SCARA3: variants seen among roughly 807,000 people sequenced by gnomAD.
SCARA3 encodes cellular stress response gene protein.
A neutral mutation model predicts 47.0 loss-of-function variants in SCARA3; 39 were observed. The ratio of observed to expected loss-of-function variants is 0.83; its 90% CI spans 0.64 to 1.08. SCARA3 has a LOEUF of 1.08. SCARA3 is among the 50% of genes least tolerant of loss of function. The pLI is 0.00. For synonymous variants in SCARA3, 356 were observed against 334.1 expected, an observed-to-expected ratio of 1.07 and a Z score of -0.71; for missense variants, 724 against 792.3, an observed-to-expected ratio of 0.91 and a Z score of 1.04.
At chr8:27,719,977 C>T in the SCARA3 span, among the ~76,000 whole-genome samples, 1 of 152,086 alleles carries the variant, frequency 6.6e-6, no homozygotes, top group Non-Finnish European at 1.5e-5. Flanking sequence ...AGAAAAAGCC[C>T]ATGACTCACC....
chr8:27,636,446 G>T (rs1434916714), intron 1 of SCARA3, among the ~76,000 whole-genome samples: 1 of 152,098 alleles, frequency 6.6e-6, no homozygotes, highest in Non-Finnish European at 1.5e-5. Flanking sequence ...TAAAAAAATA[G>T]AATTTATTTA....
downstream of SCARA3, among the ~76,000 whole-genome samples, chr8:27,673,926 C>G (rs1487752613): frequency 6.6e-6 from 1 of 152,136 alleles, no homozygotes; most frequent in Non-Finnish European, 1.5e-5. Context: ...TCTCATGGGA[C>G]AAACCAAGGA....
the SCARA3 span, among the ~76,000 whole-genome samples, chr8:27,718,137 G>A: frequency 6.6e-6 from 1 of 152,206 alleles, no homozygotes; most frequent in Non-Finnish European, 1.5e-5. Context: ...ACAACCTGGT[G>A]AGTTCTGAGC....
chr8:27,724,404 C>T, the SCARA3 span, among the ~76,000 whole-genome samples: 7 of 152,180 alleles, frequency 4.6e-5, no homozygotes, highest in Non-Finnish European at 8.8e-5. Flanking sequence ...TGGCTCAAGC[C>T]TGTAATCCCA....
At chr8:27,633,482 G>A (rs1283326910), upstream of SCARA3, among the ~76,000 whole-genome samples, 1 of 133,584 alleles carries the variant, frequency 7.5e-6, no homozygotes, top group Non-Finnish European at 1.7e-5. Flanking sequence ...CCAGGCCCTC[G>A]ACATCATAAG....
intron 5 of SCARA3, among the ~76,000 whole-genome samples, chr8:27,662,179 A>T (rs899238807): frequency 2.0e-5 from 3 of 152,238 alleles, no homozygotes; most frequent in African/African-American, 7.2e-5. Flanking sequence ...GGTCACCAGT[A>T]TAAGAATAAA....
chr8:27,679,063 GT>G (rs1156763043), downstream of SCARA3, among the ~76,000 whole-genome samples: 1 of 152,024 alleles, frequency 6.6e-6, no homozygotes, highest in Admixed American at 6.6e-5. Context: ...TAATTACATT[GT>G]TTTTGAGTTT....
the SCARA3 span, among the ~76,000 whole-genome samples, chr8:27,707,740 A>G: frequency 1.3e-5 from 2 of 151,714 alleles, no homozygotes; most frequent in African/African-American, 4.8e-5. Flanking sequence ...TGCCACAAAA[A>G]ATTTTAAAAG....
the SCARA3 span, among the ~76,000 whole-genome samples, chr8:27,718,372 T>C: frequency 6.6e-6 from 1 of 152,266 alleles, no homozygotes; most frequent in African/African-American, 2.4e-5. Flanking sequence ...AACATTTGCC[T>C]AATTTATTTG....
chr8:27,674,576 G>C (rs193267162), downstream of SCARA3, among the ~76,000 whole-genome samples: 2 of 152,132 alleles, frequency 1.3e-5, no homozygotes, highest in African/African-American at 4.8e-5. Context: ...GGGCCAAGGC[G>C]ATGAAGTCTG....
At position 27,670,982 on chromosome 8, in the gene SCARA3, A is replaced by T. The variant is rs755416664; in HGVS notation, c.1452A>T (p.Gly484=). The change falls in exon 6 of 6, where the codon GGA becomes GGT. Residue 484 remains glycine (G), a synonymous_variant. Transcript: ENST00000301904. The stretch of plus-strand genomic sequence containing the variant: ...CTGTTGGCGGCAGAGGCCCGAAAGG[A>T]GACCCCGGCAGCTTGGGCCCCCTGG... The part of the protein sequence containing the change: ...KGPVGGRGPK[G]DPGSLGPLGP... The T allele has an allele frequency of 1.2e-6, 2 of 1,606,870 alleles. No homozygotes were observed. Among genetic ancestry groups the T allele is most frequent in the Admixed American group, 1.7e-5 (1 of 57,926 alleles).
the SCARA3 span, among the ~76,000 whole-genome samples, chr8:27,723,541 AT>A: frequency 5.1e-4 from 77 of 152,266 alleles, no homozygotes; most frequent in African/African-American, 1.7e-3. Context: ...CTGGAAGCCA[AT>A]CATTAAGAGC....
chr8:27,689,031 A>G, the SCARA3 span, among the ~76,000 whole-genome samples: 1 of 152,148 alleles, frequency 6.6e-6, no homozygotes, highest in Non-Finnish European at 1.5e-5. Flanking sequence ...GCAGCCCCCA[A>G]GGCACCTCCT....
chr8:27,670,788 C>T (rs994392823), intron 5 of SCARA3, 112 bp from the exon 6 acceptor site: 22 of 814,608 alleles, frequency 2.7e-5, no homozygotes, highest in Admixed American at 1.3e-4. Flanking sequence ...AATGAGTGTC[C>T]GCTGGACTTG....
rs36029435 is a variant in SCARA3 at position 27,649,646 on chromosome 8, G to T, written c.8-56G>T. 1.4e-3 allele frequency: 2,180 copies of T among 1,519,436 alleles called. 1 individual carries two copies. The highest frequency in any genetic ancestry group is 1.5e-3 in the Non-Finnish European group (1,631 of 1,098,114). 94.1% of individuals were successfully genotyped at this position (1,519,436 alleles called of 1,614,324 possible). The stretch of plus-strand genomic sequence containing the variant: ...GATATGGGGACAGGTAAATAAAAGG[G>T]GCTGCTGGAGAGGCCTGGGATGGCT... On this transcript the variant is annotated intron_variant, in intron 1 of 5. Coordinates refer to ENST00000301904, the MANE Select transcript of SCARA3 (RefSeq NM_016240.3).
chr8:27,694,995 A>G, the SCARA3 span, among the ~76,000 whole-genome samples: 22 of 152,206 alleles, frequency 1.4e-4, no homozygotes, highest in Non-Finnish European at 2.6e-4. Context: ...ATGCACATGC[A>G]CAAGGTAAGA....
the SCARA3 span, among the ~76,000 whole-genome samples, chr8:27,699,216 C>A: frequency 6.7e-6 from 1 of 150,312 alleles, no homozygotes; most frequent in Non-Finnish European, 1.5e-5. Flanking sequence ...TGCACTCCAG[C>A]CTGGGTGACA....
At position 27,636,455 on chromosome 8, in the gene SCARA3, T is replaced by TA. The variant is rs945533220; in HGVS notation, c.7+2255dup. 3.3e-5 allele frequency among the ~76,000 whole-genome samples: 5 copies of TA among 151,982 alleles called. No individual in the cohort carries two copies. The South Asian group carries it at 1.0e-3, about 32-fold the overall frequency. On this transcript the variant is annotated intron_variant, in intron 1 of 5. Coordinates refer to ENST00000301904, the MANE Select transcript of SCARA3 (RefSeq NM_016240.3). ...TGTCTCTAAAAAAATAGAATTTATT[T>TA]AAAAAAAGAGGCAGGGCCAAAATCC... is the stretch of plus-strand genomic sequence containing the variant.
chr8:27,659,064 C>A lies in SCARA3; in HGVS notation c.894C>A (p.His298Gln), dbSNP rs772709791. ...QRISQNSESM[H>Q]DLVLQVMGLQ... ...TCAGCCAGAACTCAGAGAGCATGCA[C>A]GACCTGGTACTCCAGGTCATGGGCT... The change falls in exon 5 of 6, where the codon CAC becomes CAA. Residue 298 changes from histidine to glutamine, a missense_variant. By Grantham distance (24) the His-to-Gln change is conservative. Coordinates refer to ENST00000301904, the MANE Select transcript of SCARA3 (RefSeq NM_016240.3). 4 of 1,613,984 alleles carry A rather than the reference C, an allele frequency of 2.5e-6. No homozygotes were observed. The highest frequency in any genetic ancestry group is 2.7e-5 in the African/African-American group (2 of 74,900).
Sources: gnomAD v4.1 joint callset for allele counts (sites outside exome capture counted in the v4.1 genomes callset) on GRCh38, gnomAD v4.1.1 for gene constraint, MANE v1.5 for transcripts, NCBI Gene and HGNC (gene_info 2026-07-23, HGNC 2026-07-21) for gene names.